EPHB1: variants seen among roughly 807,000 people sequenced by gnomAD.
EPHB1 encodes the protein EPH receptor B1, also known as ephrin type-B receptor 1.
EPHB1 carries 30 observed loss-of-function variants against 94.4 expected under a neutral mutation model. That is an observed-to-expected ratio of 0.32 (90% CI 0.24 to 0.43). The LOEUF (loss-of-function observed/expected upper bound fraction) is 0.43. Among genes scored for constraint, EPHB1 ranks in the 20% least tolerant of loss-of-function variants. The pLI is 1.00. For missense variants in EPHB1, 1,055 were observed against 1,308.3 expected, an observed-to-expected ratio of 0.81 and a Z score of 2.99; for synonymous variants, 522 against 489.1, an observed-to-expected ratio of 1.07 and a Z score of -0.89.
chr3:134,844,613 C>T (rs2036835992), intron 1 of EPHB1, among the ~76,000 whole-genome samples: 1 of 152,176 alleles, frequency 6.6e-6, no homozygotes, highest in Non-Finnish European at 1.5e-5. Flanking sequence ...ATGTTGTTTC[C>T]TTCCCTAGCA....
intron 12 of EPHB1, among the ~76,000 whole-genome samples, chr3:135,226,229 A>G (rs1194857624): frequency 1.3e-5 from 2 of 152,154 alleles, no homozygotes; most frequent in African/African-American, 2.4e-5. Context: ...GTCTCATGGC[A>G]GTTTCCTCCC....
rs372999522 is a variant in EPHB1 at position 135,131,732 on chromosome 3, T to A, written c.962-982T>A. ...GTTTTGCAACAAGGCATTTCAGTTT[T>A]TGCCAGATTGTGAAAAGTAGCCATA... On this transcript the variant is annotated intron_variant, in intron 4 of 15. Transcript: ENST00000398015. Among the ~76,000 whole-genome samples, 21 of 152,310 alleles carry A rather than the reference T, an allele frequency of 1.4e-4. 1 individual carries two copies. The highest frequency in any genetic ancestry group is 3.6e-4 in the African/African-American group (15 of 41,566).
chr3:134,842,877 A>G (rs2036802375), intron 1 of EPHB1, among the ~76,000 whole-genome samples: 1 of 152,222 alleles, frequency 6.6e-6, no homozygotes, highest in Non-Finnish European at 1.5e-5. Flanking sequence ...TTACACTGAT[A>G]TATGATATAA....
At chr3:135,104,004 C>G (rs1160764403) in intron 3 of EPHB1, among the ~76,000 whole-genome samples, 1 of 152,230 alleles carries the variant, frequency 6.6e-6, no homozygotes, top group Non-Finnish European at 1.5e-5. Flanking sequence ...CTTTTACGTG[C>G]TGGAAAGAAA....
At chr3:134,997,642 G>A (rs1328196733) in intron 3 of EPHB1, among the ~76,000 whole-genome samples, 1 of 152,072 alleles carries the variant, frequency 6.6e-6, no homozygotes, top group South Asian at 2.1e-4. Flanking sequence ...CTGCTATAAC[G>A]TTTTTAGTTT....
chr3:134,868,568 A>T (rs180754400), intron 1 of EPHB1, among the ~76,000 whole-genome samples: 107 of 152,310 alleles, frequency 7.0e-4, no homozygotes, highest in Non-Finnish European at 1.3e-3. Context: ...GAGGCCATGG[A>T]GAAGCTGATC....
intron 1 of EPHB1, among the ~76,000 whole-genome samples, chr3:134,798,302 A>G (rs2035870092): frequency 6.6e-6 from 1 of 152,156 alleles, no homozygotes; most frequent in Non-Finnish European, 1.5e-5. Flanking sequence ...GGCCAGAGGA[A>G]GGCAGGGCCC....
At chr3:134,927,371 G>A (rs916461157) in intron 2 of EPHB1, among the ~76,000 whole-genome samples, 4 of 152,202 alleles carry the variant, frequency 2.6e-5, no homozygotes, top group African/African-American at 7.2e-5. Flanking sequence ...GGTCCAAAAT[G>A]AGCTGGCATT....
At chr3:135,229,741 G>C (rs948990420) in intron 12 of EPHB1, among the ~76,000 whole-genome samples, 1 of 152,174 alleles carries the variant, frequency 6.6e-6, no homozygotes, top group Admixed American at 6.5e-5. Flanking sequence ...GCATCCACTG[G>C]AATCAGCAGC....
intron 1 of EPHB1, among the ~76,000 whole-genome samples, chr3:134,818,935 G>A (rs531095159): frequency 3.3e-5 from 5 of 152,246 alleles, no homozygotes; most frequent in East Asian, 1.9e-4. Context: ...ACTGTGTTTC[G>A]AGGTGAGCAG....
intron 1 of EPHB1, among the ~76,000 whole-genome samples, chr3:134,830,531 TG>T (rs993555050): frequency 6.6e-6 from 1 of 151,954 alleles, no homozygotes; most frequent in Non-Finnish European, 1.5e-5. Context: ...GATCTGGAGA[TG>T]GGGGTCTGGG....
intron 1 of EPHB1, among the ~76,000 whole-genome samples, chr3:134,891,342 T>C (rs1272207196): frequency 6.6e-6 from 1 of 152,168 alleles, no homozygotes; most frequent in African/African-American, 2.4e-5. Context: ...ACTCCTGAGC[T>C]CAAGTGATCC....
chr3:135,074,820 T>C (rs574318456), intron 3 of EPHB1, among the ~76,000 whole-genome samples: 1 of 152,244 alleles, frequency 6.6e-6, no homozygotes, highest in Non-Finnish European at 1.5e-5. Flanking sequence ...ATACTGCATG[T>C]GACCTCTAAG....
At chr3:134,916,930 A>G (rs2038586827) in intron 1 of EPHB1, among the ~76,000 whole-genome samples, 2 of 152,184 alleles carry the variant, frequency 1.3e-5, no homozygotes, top group Non-Finnish European at 1.5e-5. Flanking sequence ...TCTCAATACC[A>G]TCTTGATTTG....
Position 134,892,094 on chromosome 3 carries a change from G to A in EPHB1, c.59-33722G>A, listed in dbSNP as rs535102564. Among the ~76,000 whole-genome samples, 22 of 152,340 alleles carry A rather than the reference G, an allele frequency of 1.4e-4. No homozygotes were observed. In the South Asian group the frequency reaches 4.3e-3, roughly 30 times the overall value. ...GAAGTACTTTGCAGTTTTAAAGCAGGTTCTTTTTCAGAGTTGAATTTATAA... is the reference window on the plus strand; with the variant it reads ...GAAGTACTTTGCAGTTTTAAAGCAGATTCTTTTTCAGAGTTGAATTTATAA... On this transcript the variant is annotated intron_variant, in intron 1 of 15. Coordinates refer to ENST00000398015, the MANE Select transcript of EPHB1 (RefSeq NM_004441.5).
At chr3:135,076,023 A>G (rs191392890) in intron 3 of EPHB1, among the ~76,000 whole-genome samples, 6 of 152,280 alleles carry the variant, frequency 3.9e-5, no homozygotes, top group African/African-American at 1.4e-4. Context: ...CATAAGCAGG[A>G]AAAACAAGAT....
intron 5 of EPHB1, among the ~76,000 whole-genome samples, chr3:135,152,739 TC>T (rs1014256828): frequency 1.7e-4 from 26 of 152,122 alleles, no homozygotes; most frequent in Admixed American, 6.5e-5. Context: ...TGCCATGGCA[TC>T]CCTGCTGCTC....
At chr3:135,152,096 G>T (rs575165874) in intron 5 of EPHB1, among the ~76,000 whole-genome samples, 37 of 152,278 alleles carry the variant, frequency 2.4e-4, no homozygotes, top group Middle Eastern at 3.4e-3. Flanking sequence ...AGGGAACATG[G>T]TCTCATTTGG....
chr3:134,888,119 G>A (rs1156796216), intron 1 of EPHB1, among the ~76,000 whole-genome samples: 1 of 152,202 alleles, frequency 6.6e-6, no homozygotes, highest in Non-Finnish European at 1.5e-5. Flanking sequence ...GCTGAGCAGA[G>A]GGAATCCCTT....
Sources: gnomAD v4.1 joint callset for allele counts (sites outside exome capture counted in the v4.1 genomes callset) on GRCh38, gnomAD v4.1.1 for gene constraint, MANE v1.5 for transcripts, NCBI Gene and HGNC (gene_info 2026-07-23, HGNC 2026-07-21) for gene names.